Variants in SLC44A1 observed in about 807,000 individuals in gnomAD.
SLC44A1 encodes solute carrier family 44 member 1, also known as choline transporter-like protein 1.
SLC44A1 carries 26 observed loss-of-function variants against 79.3 expected under a neutral mutation model. The observed-to-expected ratio is 0.33, with a 90% confidence interval of 0.24 to 0.46. SLC44A1 has a LOEUF of 0.46. Among genes scored for constraint, SLC44A1 ranks in the 20% least tolerant of loss-of-function variants. SLC44A1 has a pLI of 1.00. For missense variants in SLC44A1, 688 were observed against 798.1 expected, an observed-to-expected ratio of 0.86 and a Z score of 1.66; for synonymous variants, 263 against 286.2, an observed-to-expected ratio of 0.92 and a Z score of 0.82.
chr9:105,315,120 A>T, intron 3 of SLC44A1, among the ~76,000 whole-genome samples: 1 of 152,176 alleles, frequency 6.6e-6, no homozygotes, highest in Non-Finnish European at 1.5e-5. Context: ...GAACTTGACG[A>T]GTCCCCATTC....
downstream of SLC44A1, among the ~76,000 whole-genome samples, chr9:105,401,626 T>C (rs1263434463): frequency 6.6e-6 from 1 of 152,086 alleles, no homozygotes; most frequent in African/African-American, 2.4e-5. Flanking sequence ...ATAGAAATGA[T>C]AGACTTGAAA....
intron 9 of SLC44A1, among the ~76,000 whole-genome samples, chr9:105,364,077 T>A (rs1364644007): frequency 6.6e-6 from 1 of 152,166 alleles, no homozygotes; most frequent in Non-Finnish European, 1.5e-5. Flanking sequence ...CCGTACTGAG[T>A]ATCAAAGGTT....
intron 1 of SLC44A1, among the ~76,000 whole-genome samples, chr9:105,298,444 T>C (rs1830787592): frequency 1.3e-5 from 2 of 152,126 alleles, no homozygotes; most frequent in African/African-American, 4.8e-5. Flanking sequence ...CCTCCGCCTC[T>C]TGAATTCAAG....
In SLC44A1 at chr9:105,285,670, A is replaced by G. The variant is rs191887092; in HGVS notation, c.37-13550A>G. On this transcript the variant is annotated intron_variant, in intron 1 of 15. Transcript: ENST00000374720. ...TTGCGGGCAGTGGGTGGATCTCACA[A>G]AGTACATTCTCAAGGGTGGGGAGAA... is the stretch of plus-strand genomic sequence containing the variant. 7.5e-4 allele frequency among the ~76,000 whole-genome samples: 114 copies of G among 152,322 alleles called. 1 individual carries two copies. Among genetic ancestry groups the G allele is most frequent in the Non-Finnish European group, 2.9e-5 (2 of 68,026 alleles).
At chr9:105,404,304 A>T (rs1301092256) in intron 15 of SLC44A1, among the ~76,000 whole-genome samples, 1 of 152,006 alleles carries the variant, frequency 6.6e-6, no homozygotes, top group African/African-American at 2.4e-5. Context: ...GGATAGAATC[A>T]TCAAAAACGG....
chr9:105,325,225 G>C (rs1309526625), intron 3 of SLC44A1, among the ~76,000 whole-genome samples: 2 of 152,138 alleles, frequency 1.3e-5, no homozygotes, highest in Non-Finnish European at 2.9e-5. Context: ...CCTTGAAAGT[G>C]TTACACTACA....
downstream of SLC44A1, among the ~76,000 whole-genome samples, chr9:105,400,487 C>CAA (rs67752609): frequency 1.3e-5 from 2 of 148,728 alleles, no homozygotes; most frequent in African/African-American, 2.5e-5. Context: ...GACGCCATCT[C>CAA]AAAAAAAGAA....
intron 3 of SLC44A1, among the ~76,000 whole-genome samples, chr9:105,318,493 T>C (rs1188252735): frequency 2.0e-5 from 3 of 152,194 alleles, no homozygotes; most frequent in Admixed American, 1.3e-4. Flanking sequence ...ACAGTTTTTT[T>C]CCTAAACTTT....
At chr9:105,341,489 A>T (rs927854992) in intron 4 of SLC44A1, among the ~76,000 whole-genome samples, 4 of 152,164 alleles carry the variant, frequency 2.6e-5, no homozygotes, top group African/African-American at 9.7e-5. Context: ...ATGCTAGAGA[A>T]GAAAACAGTT....
intron 3 of SLC44A1, among the ~76,000 whole-genome samples, chr9:105,323,085 G>A (rs146779172): frequency 3.9e-4 from 59 of 150,216 alleles, no homozygotes; most frequent in South Asian, 1.7e-3. Flanking sequence ...GCGTGGTGGC[G>A]GGCACCTGTA....
chr9:105,397,518 A>G (rs1828898761), downstream of SLC44A1, among the ~76,000 whole-genome samples: 1 of 152,184 alleles, frequency 6.6e-6, no homozygotes, highest in South Asian at 2.1e-4. Flanking sequence ...CGGAATAGCA[A>G]CTATAAATGT....
intron 3 of SLC44A1, among the ~76,000 whole-genome samples, chr9:105,329,180 T>C (rs1458896766): frequency 2.6e-5 from 4 of 152,134 alleles, no homozygotes; most frequent in African/African-American, 9.7e-5. Context: ...ACGGCAACAC[T>C]CTCTGTGGAA....
At chr9:105,296,928 C>T (rs767368279) in intron 1 of SLC44A1, among the ~76,000 whole-genome samples, 1 of 152,166 alleles carries the variant, frequency 6.6e-6, no homozygotes, top group Non-Finnish European at 1.5e-5. Context: ...AGACTAACTC[C>T]TTCCTGCCAC....
At chr9:105,323,232 AAAAG>A (rs1413690563) in intron 3 of SLC44A1, among the ~76,000 whole-genome samples, 4 of 148,662 alleles carry the variant, frequency 2.7e-5, no homozygotes, top group South Asian at 2.1e-4. Flanking sequence ...AAAAAAAAAA[AAAAG>A]AAAGAAATTA....
chr9:105,344,982 C>A (rs1204734728), intron 4 of SLC44A1, among the ~76,000 whole-genome samples: 1 of 152,088 alleles, frequency 6.6e-6, no homozygotes, highest in Non-Finnish European at 1.5e-5. Flanking sequence ...GTGTGAAAGC[C>A]TGGAAGCTTG....
At position 105,361,159 on chromosome 9, in the gene SLC44A1, A is replaced by G. The variant is rs758370607; in HGVS notation, c.761-32A>G. Reference sequence around the variant, plus strand: ...TGTTACACATTTTCTTATCCTAATTATTGCATTAACAGTTGGGTCTTTTGT... The same window carrying G: ...TGTTACACATTTTCTTATCCTAATTGTTGCATTAACAGTTGGGTCTTTTGT... On this transcript the variant is annotated intron_variant, in intron 7 of 15. Coordinates refer to ENST00000374720, the MANE Select transcript of SLC44A1 (RefSeq NM_080546.5). 1.4e-5 allele frequency: 23 copies of G among 1,606,606 alleles called. 1 individual carries two copies. The highest frequency in any genetic ancestry group is 1.8e-5 in the Non-Finnish European group (21 of 1,173,288).
At chr9:105,436,445 G>T (rs527476866) in intron 15 of SLC44A1, among the ~76,000 whole-genome samples, 5 of 152,120 alleles carry the variant, frequency 3.3e-5, no homozygotes, top group African/African-American at 9.7e-5. Flanking sequence ...GTAGCGTGTG[G>T]CATGGAGCTT....
At chr9:105,407,578 G>T (rs1222815105) in intron 15 of SLC44A1, among the ~76,000 whole-genome samples, 1 of 152,144 alleles carries the variant, frequency 6.6e-6, no homozygotes, top group Non-Finnish European at 1.5e-5. Flanking sequence ...CTGAAAGAAG[G>T]CCAGGCACAG....
At chr9:105,386,513 C>A in intron 15 of SLC44A1, 2 of 717,176 alleles carry the variant, frequency 2.8e-6, no homozygotes, top group Non-Finnish European at 3.4e-6. Context: ...TGCCTGTGGG[C>A]CGCATATGGC....
Sources: allele counts gnomAD v4.1 joint callset (sites outside exome capture counted in the v4.1 genomes callset), GRCh38; gene constraint gnomAD v4.1.1; transcripts MANE v1.5; gene names NCBI Gene and HGNC (gene_info 2026-07-23, HGNC 2026-07-21).